SOBP: variants seen among roughly 807,000 people sequenced by gnomAD.
The protein encoded by SOBP is sine oculis-binding protein homolog.
A neutral mutation model predicts 53.6 loss-of-function variants in SOBP; 4 were observed. That is an observed-to-expected ratio of 0.07 (90% CI 0.04 to 0.17). SOBP has a LOEUF of 0.17. Ranked by LOEUF, SOBP falls within the 10% of genes least tolerant of loss-of-function variation. The probability of loss-of-function intolerance (pLI) is 1.00; values close to 1 mark genes in which losing one functional copy is unlikely to be tolerated. For missense variants in SOBP, 1,088 were observed against 1,204.7 expected (o/e 0.90, Z 1.43); for synonymous variants, 584 against 522.6 (o/e 1.12, Z -1.60).
rs370034513 is a variant in SOBP at position 107,507,900 on chromosome 6, G to A, written c.421+1473G>A. ...CAGTGTATTAGATCTAGATGGCAAC[G>A]GGCTGAGCATTATGTGATATTGCAA... is the stretch of plus-strand genomic sequence containing the variant. On this transcript the variant is annotated intron_variant, in intron 3 of 6. Coordinates refer to ENST00000317357, the MANE Select transcript of SOBP (RefSeq NM_018013.4). Among the ~76,000 whole-genome samples, 10 of 151,940 alleles carry A rather than the reference G, an allele frequency of 6.6e-5. 1 individual carries two copies. Among genetic ancestry groups the A allele is most frequent in the Admixed American group, 5.2e-4 (8 of 15,270 alleles).
Position 107,635,369 on chromosome 6 carries a change from C to A in SOBP, c.2525C>A (p.Pro842Gln). The A allele has an allele frequency of 6.2e-7, 1 of 1,613,520 alleles. No individual in the cohort carries two copies. Among genetic ancestry groups the A allele is most frequent in the Non-Finnish European group, 8.5e-7 (1 of 1,180,020 alleles). The change falls in exon 6 of 7, where the codon CCG (proline) becomes CAG (glutamine). Residue 842 changes from proline to glutamine, a missense_variant. Pro to Gln is a moderately conservative substitution (Grantham distance 76). Around this residue, in one of 6 missense-constraint regions of SOBP, gnomAD observed 665 missense variants for 629.7 expected, o/e 1.06. Coordinates refer to ENST00000317357, the MANE Select transcript of SOBP (RefSeq NM_018013.4). The surrounding 1 kb of genome is among the most constrained non-coding windows in gnomAD (Gnocchi z 4.5). ...PKPAEKAAMA[P>Q]CIISSPMLSA... is the part of the protein sequence containing the mutation. Reference sequence around the variant, plus strand: ...CCCGCGGAGAAGGCTGCCATGGCACCGTGCATCATCTCCTCGCCCATGCTC... The same window carrying A: ...CCCGCGGAGAAGGCTGCCATGGCACAGTGCATCATCTCCTCGCCCATGCTC...
chr6:107,490,870 C>G (rs1207544681), intron 1 of SOBP, among the ~76,000 whole-genome samples, 158 bp downstream of exon 1: 1 of 151,916 alleles, frequency 6.6e-6, no homozygotes, highest in Non-Finnish European at 1.5e-5. Flanking sequence ...AAGCAGAGGC[C>G]AACTCGAGGG....
intron 4 of SOBP, among the ~76,000 whole-genome samples, chr6:107,560,709 A>G (rs1784749571): frequency 2.6e-5 from 4 of 152,172 alleles, no homozygotes; most frequent in Admixed American, 2.6e-4. Flanking sequence ...GACTCAGAGA[A>G]CTTAACCTAC....
In SOBP at chr6:107,576,687, G is replaced by T. The variant is rs1171907823; in HGVS notation, c.574-10393G>T. 5.9e-5 allele frequency among the ~76,000 whole-genome samples: 9 copies of T among 152,326 alleles called. 1 individual carries two copies. Among genetic ancestry groups the T allele is most frequent in the African/African-American group, 1.2e-4 (5 of 41,570 alleles). On this transcript the variant is annotated intron_variant, in intron 4 of 6. Coordinates refer to ENST00000317357, the MANE Select transcript of SOBP (RefSeq NM_018013.4). ...AGGGAATCAGTGGCAAGAGTGCAGG[G>T]TGATGGCTGGGAATGGCTTTGAAGC...
chr6:107,616,899 C>T (rs1437239460), intron 5 of SOBP, among the ~76,000 whole-genome samples: 1 of 152,120 alleles, frequency 6.6e-6, no homozygotes, highest in Non-Finnish European at 1.5e-5. Context: ...TTGGGCAGTG[C>T]CATTTGCATC....
chr6:107,583,064 G>C (rs529987226), intron 4 of SOBP, among the ~76,000 whole-genome samples: 14 of 152,330 alleles, frequency 9.2e-5, no homozygotes, highest in Non-Finnish European at 1.3e-4. Context: ...CCACCCAAGT[G>C]GGGGCAGATG....
At chr6:107,579,279 T>C (rs1166108380) in intron 4 of SOBP, among the ~76,000 whole-genome samples, 1 of 151,882 alleles carries the variant, frequency 6.6e-6, no homozygotes, top group Admixed American at 6.6e-5. Flanking sequence ...TAGCAGAGAA[T>C]GAAAAAGAAG....
chr6:107,621,236 A>G (rs1188687604), intron 5 of SOBP: 1 of 365,494 alleles, frequency 2.7e-6, no homozygotes. Context: ...ACCATTTAAC[A>G]GTTCAGGCAT....
chr6:107,593,071 C>T (rs1029692974), intron 5 of SOBP, among the ~76,000 whole-genome samples: 1 of 152,194 alleles, frequency 6.6e-6, no homozygotes, highest in Non-Finnish European at 1.5e-5. Flanking sequence ...CCAGCTTTGT[C>T]TGCCACTTTC....
At chr6:107,620,196 G>A (rs1396466053) in intron 5 of SOBP, among the ~76,000 whole-genome samples, 3 of 152,192 alleles carry the variant, frequency 2.0e-5, no homozygotes, top group South Asian at 2.1e-4. Flanking sequence ...CTTGCTTCCT[G>A]ATTTAGCACG....
intron 4 of SOBP, among the ~76,000 whole-genome samples, chr6:107,561,516 C>G (rs1474938114): frequency 6.6e-6 from 1 of 152,168 alleles, no homozygotes; most frequent in African/African-American, 2.4e-5. Flanking sequence ...GGCAACAAGT[C>G]TGTCTGGGCT....
chr6:107,620,271 C>T (rs1583280514), intron 5 of SOBP, among the ~76,000 whole-genome samples: 1 of 152,230 alleles, frequency 6.6e-6, no homozygotes, highest in African/African-American at 2.4e-5. Context: ...CAGCTCCCTT[C>T]TCCCCACTCT....
intron 4 of SOBP, among the ~76,000 whole-genome samples, chr6:107,580,084 A>T (rs533726306): frequency 1.2e-3 from 190 of 152,338 alleles, no homozygotes; most frequent in African/African-American, 4.1e-3. Context: ...TTCGACAAGC[A>T]GGTGAAAGGG....
intron 4 of SOBP, among the ~76,000 whole-genome samples, chr6:107,584,744 T>C (rs926045829): frequency 1.3e-4 from 20 of 152,180 alleles, no homozygotes; most frequent in African/African-American, 4.3e-4. Flanking sequence ...CAGCTTTATA[T>C]GAAGTCTGTA....
chr6:107,618,139 C>T (rs1301740535), intron 5 of SOBP, among the ~76,000 whole-genome samples: 1 of 152,090 alleles, frequency 6.6e-6, no homozygotes, highest in African/African-American at 2.4e-5. Context: ...CGTATGCCTT[C>T]TTATTACATA....
intron 4 of SOBP, among the ~76,000 whole-genome samples, chr6:107,543,166 A>T (rs1021814093): frequency 6.6e-6 from 1 of 152,196 alleles, no homozygotes; most frequent in Non-Finnish European, 1.5e-5. Flanking sequence ...GGAGTTATAA[A>T]GTCCCAAGCT....
chr6:107,618,152 T>C (rs1053916099), intron 5 of SOBP, among the ~76,000 whole-genome samples: 7 of 152,172 alleles, frequency 4.6e-5, no homozygotes, highest in African/African-American at 1.7e-4. Context: ...ATTACATAAT[T>C]GTTGCAGCCC....
At chr6:107,576,426 A>G (rs567476660) in intron 4 of SOBP, among the ~76,000 whole-genome samples, 3 of 152,188 alleles carry the variant, frequency 2.0e-5, no homozygotes, top group African/African-American at 4.8e-5. Context: ...ATTTTGGACA[A>G]CATTATGCAA....
At chr6:107,568,784 T>C (rs1279992101) in intron 4 of SOBP, among the ~76,000 whole-genome samples, 1 of 152,236 alleles carries the variant, frequency 6.6e-6, no homozygotes, top group South Asian at 2.1e-4. Context: ...ATCACCTGGC[T>C]ACCTCTTGGT....
Sources: allele counts gnomAD v4.1 joint callset (sites outside exome capture counted in the v4.1 genomes callset), GRCh38; gene constraint gnomAD v4.1.1; regional missense constraint gnomAD v4.1.1; non-coding constraint Gnocchi (gnomAD v3.1); transcripts MANE v1.5; gene names NCBI Gene and HGNC (gene_info 2026-07-23, HGNC 2026-07-21).